PILRA: variants seen among roughly 807,000 people sequenced by gnomAD.
The protein encoded by PILRA is paired immunoglobin like type 2 receptor alpha, also known as paired immunoglobulin-like type 2 receptor alpha.
A neutral mutation model predicts 33.1 loss-of-function variants in PILRA; 37 were observed. That is an observed-to-expected ratio of 1.12 (90% CI 0.86 to 1.47). The LOEUF (loss-of-function observed/expected upper bound fraction) is 1.47, where lower values mean the gene tolerates loss of function less well. Ranked by LOEUF, PILRA falls within the 40% of genes most tolerant of loss-of-function variation. The probability of loss-of-function intolerance (pLI) is 0.00; values close to 1 mark genes in which losing one functional copy is unlikely to be tolerated. For missense variants in PILRA, 312 were observed against 376.2 expected, an observed-to-expected ratio of 0.83 and a Z score of 1.41; for synonymous variants, 146 against 149.9, an observed-to-expected ratio of 0.97 and a Z score of 0.19.
rs563748201 is a variant in PILRA, at chr7:100,373,539, C to T, written c.-118C>T. The stretch of plus-strand genomic sequence containing the variant: ...GGCTCCTGGCCCCCACAGCCCTCTT[C>T]GGAGCCTGAGCCCGGCTCTCCTCAC... On this transcript the variant is annotated 5_prime_UTR_variant, in exon 1 of 7. Transcript: ENST00000198536. 22 of 1,160,888 alleles carry T rather than the reference C, an allele frequency of 1.9e-5. No individual in the cohort carries two copies. In the East Asian group the frequency reaches 3.0e-4, roughly 16 times the overall value. 71.9% of individuals were successfully genotyped at this position (1,160,888 alleles called of 1,614,324 possible).
In PILRA at chr7:100,373,550, C is replaced by A; in HGVS notation, c.-107C>A. Reference sequence around the variant, plus strand: ...CCCACAGCCCTCTTCGGAGCCTGAGCCCGGCTCTCCTCACTCACCTCAACC... The same window carrying A: ...CCCACAGCCCTCTTCGGAGCCTGAGACCGGCTCTCCTCACTCACCTCAACC... On this transcript the variant is annotated 5_prime_UTR_variant, in exon 1 of 7. Transcript: ENST00000198536. The A allele has an allele frequency of 7.7e-7, 1 of 1,298,124 alleles. No homozygotes were observed. Among genetic ancestry groups the A allele is most frequent in the South Asian group, 1.2e-5 (1 of 84,262 alleles). 80.4% of individuals were successfully genotyped at this position (1,298,124 alleles called of 1,614,324 possible). A position where few individuals can be genotyped will look rare whatever the true frequency, so the allele number is the denominator to read the frequency against.
At chr7:100,371,565 T>C (rs1340229328), upstream of PILRA, among the ~76,000 whole-genome samples, 1 of 152,064 alleles carries the variant, frequency 6.6e-6, no homozygotes. Context: ...AAGCAGTGGT[T>C]CTCATAATGC....
At chr7:100,373,461 C>G, upstream of PILRA, 1 of 635,262 alleles carries the variant, frequency 1.6e-6, no homozygotes, top group Non-Finnish European at 2.8e-6. Flanking sequence ...GGAAAATAAG[C>G]CAGATGGATA....
At chr7:100,382,619 G>C in intron 2 of PILRA, among the ~76,000 whole-genome samples, 1 of 152,246 alleles carries the variant, frequency 6.6e-6, no homozygotes, top group East Asian at 1.9e-4. Context: ...TCAGCAGGAT[G>C]TGGGTGGTGC....
Position 100,399,877 on chromosome 7 carries a change from C to G in PILRA, c.882C>G (p.Asn294Lys), listed in dbSNP as rs374643830. 2 of 1,613,042 alleles carry G rather than the reference C, an allele frequency of 1.2e-6. No individual in the cohort carries two copies. Among genetic ancestry groups the G allele is most frequent in the East Asian group, 2.2e-5 (1 of 44,870 alleles). ...ACCGTCCCCTCAAGAGCCCCCAGAA[C>G]GAGACCCTGTACTCTGTCTTAAAGG... ...PSHRPLKSPQ[N>K]ETLYSVLKA Residue 294 changes from asparagine (N) to lysine (K), a missense_variant, in exon 7 of 7, where the codon AAC (asparagine) becomes AAG (lysine). Coordinates refer to ENST00000198536, the MANE Select transcript of PILRA (RefSeq NM_013439.3).
At chr7:100,374,802 A>C in intron 2 of PILRA, 8 of 304,728 alleles carry the variant, frequency 2.6e-5, no homozygotes, top group Admixed American at 8.8e-5. Flanking sequence ...GATGTGGCTC[A>C]CCCGCTCTTT....
intron 2 of PILRA, among the ~76,000 whole-genome samples, chr7:100,382,111 G>A (rs1275196324): frequency 6.6e-6 from 1 of 152,138 alleles, no homozygotes; most frequent in Non-Finnish European, 1.5e-5. Context: ...AAGGGCCGAG[G>A]AGTGCGGGAG....
At position 100,373,555 on chromosome 7, in the gene PILRA, C is replaced by G; in HGVS notation, c.-102C>G. On this transcript the variant is annotated 5_prime_UTR_variant, in exon 1 of 7. Coordinates refer to ENST00000198536, the MANE Select transcript of PILRA (RefSeq NM_013439.3). ...AGCCCTCTTCGGAGCCTGAGCCCGG[C>G]TCTCCTCACTCACCTCAACCCCCAG... 1 of 1,346,308 alleles carries G rather than the reference C, an allele frequency of 7.4e-7. No individual in the cohort carries two copies. The highest frequency in any genetic ancestry group is 1.1e-6 in the Non-Finnish European group (1 of 945,816). The allele number at this position is 1,346,308 out of a possible 1,614,324, so 83.4% of individuals were successfully genotyped here. A position where few individuals can be genotyped will look rare whatever the true frequency, so the allele number is the denominator to read the frequency against.
intron 3 of PILRA, among the ~76,000 whole-genome samples, chr7:100,391,430 T>C (rs928393108): frequency 6.6e-6 from 1 of 152,156 alleles, no homozygotes; most frequent in African/African-American, 2.4e-5. Flanking sequence ...CTCATGCCTG[T>C]AATCTCAACA....
intron 3 of PILRA, among the ~76,000 whole-genome samples, chr7:100,391,153 AAAT>A (rs1439235915): frequency 3.5e-5 from 5 of 144,386 alleles, no homozygotes; most frequent in Non-Finnish European, 6.0e-5. Context: ...TGTCTCTACA[AAAT>A]AATAATAACA....
intron 5 of PILRA, 115 bp from the exon 6 acceptor site, chr7:100,399,466 C>T (rs1273716349): frequency 6.4e-6 from 9 of 1,408,780 alleles, no homozygotes; most frequent in African/African-American, 1.4e-5. Context: ...CCCTTGCCCT[C>T]ACGTGACCCT....
intron 2 of PILRA, 105 bp downstream of exon 2, chr7:100,374,538 C>A: frequency 1.5e-6 from 2 of 1,370,574 alleles, no homozygotes; most frequent in Non-Finnish European, 1.0e-6. Flanking sequence ...TTCTGACGAC[C>A]CCTAAGTTCT....
chr7:100,373,780 G>A lies in PILRA; in HGVS notation c.64+60G>A, dbSNP rs557121528. On this transcript the variant is annotated intron_variant, in intron 1 of 6. Transcript: ENST00000198536. The stretch of plus-strand genomic sequence containing the variant: ...CCCAAACCACAGGAGGGGCCAACCC[G>A]AGACAAAGGTGGGACATCTTGGGGA... 80 of 1,598,634 alleles carry A rather than the reference G, an allele frequency of 5.0e-5. 1 individual carries two copies. In the South Asian group the frequency reaches 5.4e-4, roughly 11 times the overall value.
At chr7:100,379,582 C>T (rs1333471131) in intron 2 of PILRA, among the ~76,000 whole-genome samples, 11 of 150,144 alleles carry the variant, frequency 7.3e-5, no homozygotes, top group East Asian at 5.9e-4. Flanking sequence ...GCAGAAGAAT[C>T]GCTTGAACCT....
upstream of PILRA, chr7:100,373,301 G>T: frequency 2.0e-6 from 1 of 489,250 alleles, no homozygotes; most frequent in Admixed American, 3.4e-5. Context: ...GGTGGGGTCT[G>T]CAGGGATCCA....
At chr7:100,391,239 C>T (rs1383522988) in intron 3 of PILRA, among the ~76,000 whole-genome samples, 2 of 149,450 alleles carry the variant, frequency 1.3e-5, no homozygotes, top group Non-Finnish European at 3.0e-5. Flanking sequence ...GCCTGTGGTA[C>T]CAGCTACTGG....
In PILRA at chr7:100,399,854, C is replaced by T. The variant is rs761564025; in HGVS notation, c.859C>T (p.Arg287Cys). Residue 287 changes from arginine (R) to cysteine (C), a missense_variant, in exon 7 of 7, where the codon CGT becomes TGT. Physicochemically the swap from Arg to Cys is radical, Grantham distance 180. Coordinates refer to ENST00000198536, the MANE Select transcript of PILRA (RefSeq NM_013439.3). ...STSPRAPPSHRPLKSPQNETL... is the reference protein window; with the variant it reads ...STSPRAPPSHCPLKSPQNETL... ...CTCACCCAGAGCACCTCCCAGCCAC[C>T]GTCCCCTCAAGAGCCCCCAGAACGA... 18 of 1,613,588 alleles carry T rather than the reference C, an allele frequency of 1.1e-5. No individual in the cohort carries two copies. The highest frequency in any genetic ancestry group is 6.7e-5 in the Admixed American group (4 of 59,920).
At chr7:100,387,593 C>A (rs1414004767) in intron 2 of PILRA, among the ~76,000 whole-genome samples, 2 of 152,078 alleles carry the variant, frequency 1.3e-5, no homozygotes, top group Non-Finnish European at 2.9e-5. Context: ...GTAGTCCCAG[C>A]TAATCAGGAG....
chr7:100,383,203 C>T (rs1791158705), intron 2 of PILRA, among the ~76,000 whole-genome samples: 1 of 152,034 alleles, frequency 6.6e-6, no homozygotes, highest in South Asian at 2.1e-4. Flanking sequence ...CGGGGAGGTA[C>T]CCTGGGACCA....
Sources: gnomAD v4.1 joint callset for allele counts (sites outside exome capture counted in the v4.1 genomes callset) on GRCh38, gnomAD v4.1.1 for gene constraint, MANE v1.5 for transcripts, NCBI Gene and HGNC (gene_info 2026-07-23, HGNC 2026-07-21) for gene names.